AGMO: variants seen among roughly 807,000 people sequenced by gnomAD.
The protein encoded by AGMO is glyceryl-ether monooxygenase.
Under a neutral mutation model 60.2 loss-of-function variants are expected in AGMO, and 75 were observed. The observed-to-expected ratio is 1.25, with a 90% CI of 1.03 to 1.51. The LOEUF is 1.51. Among genes scored for constraint, AGMO ranks in the 40% most tolerant of loss-of-function variants. The probability of loss-of-function intolerance (pLI) is 0.00; values close to 1 mark genes in which losing one functional copy is unlikely to be tolerated. For synonymous variants in AGMO, 261 were observed against 177.1 expected, an observed-to-expected ratio of 1.47 and a Z score of -3.76; for missense variants, 763 against 525.5, an observed-to-expected ratio of 1.45 and a Z score of -4.42.
intron 4 of AGMO, among the ~76,000 whole-genome samples, chr7:15,422,176 A>G (rs1780943837): frequency 6.6e-6 from 1 of 152,162 alleles, no homozygotes; most frequent in Non-Finnish European, 1.5e-5. Context: ...AACAAAATGA[A>G]AAGAGGGATT....
At chr7:15,525,401 C>G (rs1409610093) in intron 3 of AGMO, among the ~76,000 whole-genome samples, 1 of 152,054 alleles carries the variant, frequency 6.6e-6, no homozygotes, top group Non-Finnish European at 1.5e-5. Context: ...ATATACCTAC[C>G]CTTCCCTAAT....
At chr7:15,308,021 C>G (rs2128529987) in intron 12 of AGMO, among the ~76,000 whole-genome samples, 1 of 152,204 alleles carries the variant, frequency 6.6e-6, no homozygotes, top group East Asian at 1.9e-4. Context: ...AATTTCCCCA[C>G]AAGCTTCAAT....
At chr7:15,256,098 G>T (rs1783091458) in intron 12 of AGMO, among the ~76,000 whole-genome samples, 1 of 152,148 alleles carries the variant, frequency 6.6e-6, no homozygotes, top group South Asian at 2.1e-4. Flanking sequence ...CCAATGAGGG[G>T]GATGTATGAA....
chr7:15,295,026 C>T (rs1159519263), intron 12 of AGMO, among the ~76,000 whole-genome samples: 1 of 151,426 alleles, frequency 6.6e-6, no homozygotes, highest in Non-Finnish European at 1.5e-5. Context: ...TTAAATACCT[C>T]AATAATAAGA....
intron 12 of AGMO, among the ~76,000 whole-genome samples, chr7:15,218,991 A>G (rs984906164): frequency 6.6e-6 from 1 of 152,208 alleles, no homozygotes; most frequent in Non-Finnish European, 1.5e-5. Flanking sequence ...TATGAATTAA[A>G]TAGGAGAACA....
chr7:15,253,188 T>A (rs1051866393), intron 12 of AGMO, among the ~76,000 whole-genome samples: 3 of 152,184 alleles, frequency 2.0e-5, no homozygotes, highest in Admixed American at 6.5e-5. Flanking sequence ...TCTGGAGTGC[T>A]ATTTTTGTGT....
intron 12 of AGMO, among the ~76,000 whole-genome samples, chr7:15,351,056 T>A (rs1483998293): frequency 1.3e-5 from 2 of 152,152 alleles, no homozygotes; most frequent in African/African-American, 4.8e-5. Flanking sequence ...AGCTAATTTT[T>A]TCAGCCAAAG....
chr7:15,179,027 C>T, the AGMO span, among the ~76,000 whole-genome samples: 1 of 152,128 alleles, frequency 6.6e-6, no homozygotes, highest in Admixed American at 6.5e-5. Flanking sequence ...GGGCAGAGCC[C>T]TCATGACCTA....
chr7:15,164,314 A>T, the AGMO span, among the ~76,000 whole-genome samples: 3 of 152,182 alleles, frequency 2.0e-5, no homozygotes, highest in East Asian at 5.8e-4. Context: ...AGGAAAAATT[A>T]TCTGGACATT....
At chr7:15,259,609 G>C (rs997143410) in intron 12 of AGMO, among the ~76,000 whole-genome samples, 1 of 152,036 alleles carries the variant, frequency 6.6e-6, no homozygotes, top group African/African-American at 2.4e-5. Flanking sequence ...ATAGTCATCA[G>C]GTTATCTAAA....
intron 4 of AGMO, among the ~76,000 whole-genome samples, chr7:15,430,464 T>C (rs919159545): frequency 4.0e-5 from 6 of 151,750 alleles, no homozygotes; most frequent in Non-Finnish European, 7.4e-5. Flanking sequence ...GTAGAGGCTA[T>C]TTCTGGTATT....
intron 12 of AGMO, among the ~76,000 whole-genome samples, chr7:15,267,541 G>A (rs1471589673): frequency 1.3e-5 from 2 of 151,890 alleles, no homozygotes; most frequent in African/African-American, 4.8e-5. Flanking sequence ...CAGTCATTCA[G>A]GGACAAATTG....
At chr7:15,345,258 T>C (rs1257271603) in intron 12 of AGMO, among the ~76,000 whole-genome samples, 5 of 152,220 alleles carry the variant, frequency 3.3e-5, no homozygotes, top group Non-Finnish European at 5.9e-5. Context: ...TTTTTTTCTC[T>C]TGCTGTTCTT....
chr7:15,202,489 A>AAAAAAAC (rs1277846759), intron 12 of AGMO, among the ~76,000 whole-genome samples: 2 of 132,054 alleles, frequency 1.5e-5, no homozygotes, highest in South Asian at 2.4e-4. Flanking sequence ...AAAAAAAAAA[A>AAAAAAAC]CCCTCCCAAA....
chr7:15,395,395 A>AT (rs1380526371), intron 5 of AGMO, among the ~76,000 whole-genome samples: 1 of 152,236 alleles, frequency 6.6e-6, no homozygotes, highest in East Asian at 1.9e-4. Context: ...GCACCTTTAG[A>AT]TATCGATTTG....
chr7:15,177,417 T>C, the AGMO span, among the ~76,000 whole-genome samples: 4 of 152,132 alleles, frequency 2.6e-5, no homozygotes, highest in Non-Finnish European at 5.9e-5. Context: ...ACTTCTGTTC[T>C]TCCTGAAGCA....
chr7:15,267,403 C>A (rs1282092001), intron 12 of AGMO, among the ~76,000 whole-genome samples: 1 of 151,902 alleles, frequency 6.6e-6, no homozygotes, highest in African/African-American at 2.4e-5. Flanking sequence ...AAAAAGTGAG[C>A]TTCTCAAATG....
chr7:15,439,218 G>C (rs1781485038), intron 3 of AGMO, among the ~76,000 whole-genome samples: 3 of 152,116 alleles, frequency 2.0e-5, no homozygotes, highest in Non-Finnish European at 1.5e-5. Flanking sequence ...CCAACATGGT[G>C]AAACCCCATC....
the AGMO span, among the ~76,000 whole-genome samples, chr7:15,124,702 A>T: frequency 3.3e-5 from 5 of 152,086 alleles, no homozygotes; most frequent in African/African-American, 9.7e-5. Context: ...ATGTTTCAAC[A>T]TTGGAGTGTT....
Sources: allele counts gnomAD v4.1 joint callset (sites outside exome capture counted in the v4.1 genomes callset), GRCh38; gene constraint gnomAD v4.1.1; transcripts MANE v1.5; gene names NCBI Gene and HGNC (gene_info 2026-07-23, HGNC 2026-07-21).